Variants in AAR2 observed in about 807,000 individuals in gnomAD.
AAR2 encodes the protein AAR2 splicing factor.
A neutral mutation model predicts 26.9 loss-of-function variants in AAR2; 31 were observed. The ratio of observed to expected loss-of-function variants is 1.15; its 90% CI spans 0.86 to 1.55. AAR2 has a LOEUF of 1.55. Ranked by LOEUF, AAR2 falls within the 40% of genes most tolerant of loss-of-function variation. The probability of loss-of-function intolerance (pLI) is 0.00; values close to 1 mark genes in which losing one functional copy is unlikely to be tolerated. For missense variants in AAR2, 430 were observed against 491.3 expected (o/e 0.88, Z 1.18); for synonymous variants, 188 against 196.1 (o/e 0.96, Z 0.34).
chr20:36,245,483 C>A (rs2064725522), intron 3 of AAR2, among the ~76,000 whole-genome samples: 1 of 152,180 alleles, frequency 6.6e-6, no homozygotes, highest in African/African-American at 2.4e-5. Flanking sequence ...TCATCCTATG[C>A]TATTTCCTCC....
At chr20:36,255,384 C>T (rs1011340398) in intron 3 of AAR2, among the ~76,000 whole-genome samples, 194 bp from the exon 4 acceptor site, 7 of 152,236 alleles carry the variant, frequency 4.6e-5, no homozygotes, top group Non-Finnish European at 7.3e-5. Context: ...CATTCTAGTC[C>T]TGCCCTAGCA....
chr20:36,254,453 G>C (rs1177619378), intron 3 of AAR2, among the ~76,000 whole-genome samples: 3 of 149,250 alleles, frequency 2.0e-5, no homozygotes, highest in Non-Finnish European at 2.9e-5. Flanking sequence ...AGGAGGGAAG[G>C]GGGATAGGGT....
chr20:36,244,748 C>T lies in AAR2; in HGVS notation c.809C>T (p.Ala270Val). Residue 270 changes from alanine (A) to valine (V), a missense_variant, in exon 3 of 4, where the codon GCA becomes GTA. Transcript: ENST00000320849. ...TTCCTGCTGGGGAATGTGTACGAGG[C>T]ATTTGAGCATTGGAAGCGGCTCCTG... ...VCFLLGNVYE[A>V]FEHWKRLLNL... 1 of 1,614,178 alleles carries T rather than the reference C, an allele frequency of 6.2e-7. No individual in the cohort carries two copies. The highest frequency in any genetic ancestry group is 8.5e-7 in the Non-Finnish European group (1 of 1,180,036).
At chr20:36,245,112 C>G (rs1455297373) in intron 3 of AAR2, among the ~76,000 whole-genome samples, 186 bp downstream of exon 3, 1 of 152,050 alleles carries the variant, frequency 6.6e-6, no homozygotes, top group Non-Finnish European at 1.5e-5. Context: ...GAAATTTTCT[C>G]TCTGTACCAC....
intron 3 of AAR2, among the ~76,000 whole-genome samples, chr20:36,250,770 A>G (rs1194700791): frequency 6.6e-6 from 1 of 152,230 alleles, no homozygotes; most frequent in East Asian, 1.9e-4. Context: ...CAAAGCAAAC[A>G]CTGTGAACAT....
intron 3 of AAR2, 49 bp from the exon 4 acceptor site, chr20:36,255,527 GCC>G (rs761746541): frequency 6.2e-7 from 1 of 1,600,066 alleles, no homozygotes; most frequent in Non-Finnish European, 8.6e-7. Context: ...CAGCTTTCTC[GCC>G]CCCTGCCCTC....
chr20:36,255,150 C>T (rs1315795688), intron 3 of AAR2, among the ~76,000 whole-genome samples: 9 of 152,140 alleles, frequency 5.9e-5, no homozygotes, highest in Non-Finnish European at 1.3e-4. Context: ...AGCCTGTGGC[C>T]CATTTAGAAG....
chr20:36,248,216 T>C lies in AAR2; in HGVS notation c.987+3290T>C, dbSNP rs368920182. Among the ~76,000 whole-genome samples, 63 of 152,366 alleles carry C rather than the reference T, an allele frequency of 4.1e-4. No individual in the cohort carries two copies. In the South Asian group the frequency reaches 9.1e-3, roughly 22 times the overall value. ...TTAGCTTACTTTGAACTTGTCGCTATTATATTGCATGAGATGTGCTTGCTG... is the reference window on the plus strand; with the variant it reads ...TTAGCTTACTTTGAACTTGTCGCTACTATATTGCATGAGATGTGCTTGCTG... On this transcript the variant is annotated intron_variant, in intron 3 of 3. Transcript: ENST00000320849.
chr20:36,253,441 C>T (rs1194452833), intron 3 of AAR2, among the ~76,000 whole-genome samples: 1 of 152,192 alleles, frequency 6.6e-6, no homozygotes, highest in Non-Finnish European at 1.5e-5. Flanking sequence ...CATTTAACTC[C>T]TCTCAGCTTC....
chr20:36,255,063 G>T (rs545537749), intron 3 of AAR2, among the ~76,000 whole-genome samples: 1 of 152,250 alleles, frequency 6.6e-6, no homozygotes, highest in South Asian at 2.1e-4. Context: ...GTAAGTCAGG[G>T]TCCATCTGTA....
chr20:36,248,981 A>G (rs1314400309), intron 3 of AAR2, among the ~76,000 whole-genome samples: 1 of 152,078 alleles, frequency 6.6e-6, no homozygotes, highest in Non-Finnish European at 1.5e-5. Context: ...TTTGTGACTG[A>G]ATGAATCAGC....
intron 2 of AAR2, among the ~76,000 whole-genome samples, chr20:36,240,923 C>G (rs188092798): frequency 6.6e-6 from 1 of 152,144 alleles, no homozygotes; most frequent in East Asian, 1.9e-4. Context: ...AAGATTTGGC[C>G]CACTGAGTGG....
rs2064824639 is a variant in AAR2, at chr20:36,256,698, A to G, written c.*953A>G. The G allele has an allele frequency of 6.6e-6, 1 of 152,460 alleles. No individual in the cohort carries two copies. Among genetic ancestry groups the G allele is most frequent in the South Asian group, 2.1e-4 (1 of 4,820 alleles). 9.4% of individuals were successfully genotyped at this position (152,460 alleles called of 1,614,324 possible). The stretch of plus-strand genomic sequence containing the variant: ...AGTAATGAGCTCCTGGTTCCTCGGG[A>G]GTCCTTCGTGCTGTGTGGCAGGGTT... On this transcript the variant is annotated 3_prime_UTR_variant, in exon 4 of 4. Coordinates refer to ENST00000320849, the MANE Select transcript of AAR2 (RefSeq NM_001271874.2).
At chr20:36,252,977 A>G (rs1258805412) in intron 3 of AAR2, among the ~76,000 whole-genome samples, 2 of 151,930 alleles carry the variant, frequency 1.3e-5, no homozygotes, top group African/African-American at 4.8e-5. Context: ...CAGCCCTGCT[A>G]ATTAGTTATT....
intron 2 of AAR2, among the ~76,000 whole-genome samples, chr20:36,241,212 G>A (rs978406296): frequency 5.3e-5 from 8 of 151,860 alleles, no homozygotes; most frequent in African/African-American, 1.5e-4. Flanking sequence ...GTATATTTAC[G>A]TTCCTTTTTT....
rs1436139838 is a variant in AAR2 at position 36,244,935 on chromosome 20, T to C, written c.987+9T>C. On this transcript the variant is annotated intron_variant, in intron 3 of 3. Transcript: ENST00000320849. ...TCACCAGCACCTTACAGGTGAGCAGTCTTTCTGACTGAGCTGATGCACATG... is the reference window on the plus strand; with the variant it reads ...TCACCAGCACCTTACAGGTGAGCAGCCTTTCTGACTGAGCTGATGCACATG... 8 of 1,602,384 alleles carry C rather than the reference T, an allele frequency of 5.0e-6. No homozygotes were observed. The highest frequency in any genetic ancestry group is 5.1e-6 in the Non-Finnish European group (6 of 1,169,424).
intron 2 of AAR2, among the ~76,000 whole-genome samples, chr20:36,243,301 A>C (rs1159432313): frequency 6.6e-6 from 1 of 152,266 alleles, no homozygotes; most frequent in African/African-American, 2.4e-5. Context: ...TGAAGAAGCA[A>C]ATCATTAACC....
chr20:36,243,139 G>A lies in AAR2; in HGVS notation c.758-1558G>A, dbSNP rs528978768. Reference sequence around the variant, plus strand: ...AAGGGCTAGGACTATCCCTGCCACCGCACCTGTCCAGGGATAATTTTGAAT... The same window carrying A: ...AAGGGCTAGGACTATCCCTGCCACCACACCTGTCCAGGGATAATTTTGAAT... On this transcript the variant is annotated intron_variant, in intron 2 of 3. Coordinates refer to ENST00000320849, the MANE Select transcript of AAR2 (RefSeq NM_001271874.2). Among the ~76,000 whole-genome samples, 5 of 152,282 alleles carry A rather than the reference G, an allele frequency of 3.3e-5. No individual in the cohort carries two copies. The South Asian group carries it at 1.0e-3, about 32-fold the overall frequency.
chr20:36,249,828 G>C (rs926301226), intron 3 of AAR2, among the ~76,000 whole-genome samples: 5 of 152,194 alleles, frequency 3.3e-5, no homozygotes, highest in African/African-American at 1.2e-4. Flanking sequence ...GTGGGCTCCT[G>C]TATATGATTA....
Sources: gnomAD v4.1 joint callset for allele counts (sites outside exome capture counted in the v4.1 genomes callset) on GRCh38, gnomAD v4.1.1 for gene constraint, MANE v1.5 for transcripts, NCBI Gene and HGNC (gene_info 2026-07-23, HGNC 2026-07-21) for gene names.